CSMD1: variants seen among roughly 807,000 people sequenced by gnomAD.
CSMD1 encodes the protein CUB and Sushi multiple domains 1.
CSMD1 carries 213 observed loss-of-function variants against 417.5 expected under a neutral mutation model. The observed-to-expected ratio is 0.51, with a 90% CI of 0.46 to 0.57. CSMD1 has a LOEUF of 0.57. Among genes scored for constraint, CSMD1 ranks in the 20% least tolerant of loss-of-function variants. CSMD1 has a pLI of 0.00. For missense variants in CSMD1, 6,923 were observed against 4,529.7 expected, an observed-to-expected ratio of 1.53 and a Z score of -15.17; for synonymous variants, 2,862 against 1,736.8, an observed-to-expected ratio of 1.65 and a Z score of -16.11.
At chr8:3,016,131 A>C (rs1808804678) in intron 52 of CSMD1, among the ~76,000 whole-genome samples, 2 of 152,228 alleles carry the variant, frequency 1.3e-5, no homozygotes, top group South Asian at 2.1e-4. Context: ...CTAATCAGAT[A>C]AATCTCACAA....
intron 3 of CSMD1, among the ~76,000 whole-genome samples, chr8:4,152,948 T>G (rs80093303): frequency 0.031 from 4,792 of 152,256 alleles, 258 homozygotes; most frequent in African/African-American, 0.11. Context: ...CTCAAAATCT[T>G]AGAAATGGTA....
At chr8:3,862,058 C>G (rs971101685) in intron 5 of CSMD1, among the ~76,000 whole-genome samples, 4 of 152,176 alleles carry the variant, frequency 2.6e-5, no homozygotes, top group African/African-American at 9.6e-5. Context: ...TCAAAGTTTT[C>G]TCTCCCATGT....
chr8:2,981,758 G>C (rs1246237631), intron 54 of CSMD1, among the ~76,000 whole-genome samples: 1 of 152,160 alleles, frequency 6.6e-6, no homozygotes, highest in Non-Finnish European at 1.5e-5. Flanking sequence ...ATGTGGAAAG[G>C]TAAAAGAAGA....
chr8:3,682,345 G>T lies in CSMD1; in HGVS notation c.1009+26069C>A, dbSNP rs187541134. Among the ~76,000 whole-genome samples, 709 of 152,052 alleles carry T rather than the reference G, an allele frequency of 4.7e-3. 9 individuals are homozygous for T. The highest frequency in any genetic ancestry group is 0.016 in the African/African-American group (673 of 41,478). On this transcript the variant is annotated intron_variant, in intron 7 of 69. Transcript: ENST00000635120. Reference sequence around the variant, plus strand: ...ACAAAGAACCCAAACAAATTTACAAGAAAAAAACAAGCAACCGCATCAACA... The same window carrying T: ...ACAAAGAACCCAAACAAATTTACAATAAAAAAACAAGCAACCGCATCAACA...
chr8:4,015,214 T>A (rs1292141394), intron 4 of CSMD1, among the ~76,000 whole-genome samples: 1 of 152,190 alleles, frequency 6.6e-6, no homozygotes, highest in Non-Finnish European at 1.5e-5. Flanking sequence ...ACGTGACAGA[T>A]CATTTAAGAT....
At chr8:4,779,647 C>T (rs10081548) in intron 1 of CSMD1, among the ~76,000 whole-genome samples, 16 of 152,206 alleles carry the variant, frequency 1.1e-4, no homozygotes, top group African/African-American at 2.9e-4. Context: ...GGCAAGCTGG[C>T]TTTAGCATTT....
intron 12 of CSMD1, among the ~76,000 whole-genome samples, chr8:3,437,333 A>T (rs1374530854): frequency 6.6e-6 from 1 of 152,150 alleles, no homozygotes; most frequent in East Asian, 1.9e-4. Flanking sequence ...ATTGGCCTCA[A>T]CTCGGGAAAT....
At chr8:4,848,859 A>C (rs1339826352) in intron 1 of CSMD1, among the ~76,000 whole-genome samples, 1 of 152,202 alleles carries the variant, frequency 6.6e-6, no homozygotes, top group East Asian at 1.9e-4. Context: ...CATAATACTT[A>C]ATAATAATAA....
intron 5 of CSMD1, among the ~76,000 whole-genome samples, chr8:3,933,732 A>G (rs1445910309): frequency 6.6e-6 from 1 of 152,210 alleles, no homozygotes. Context: ...CAAAAATCCT[A>G]AAGGAGAAAT....
chr8:3,262,893 A>G (rs1801183428), intron 26 of CSMD1, among the ~76,000 whole-genome samples: 1 of 152,218 alleles, frequency 6.6e-6, no homozygotes, highest in South Asian at 2.1e-4. Context: ...ACAAGAGGGA[A>G]TGTGAACTTC....
chr8:3,693,894 G>A (rs1196702621), intron 7 of CSMD1, among the ~76,000 whole-genome samples: 1 of 151,198 alleles, frequency 6.6e-6, no homozygotes, highest in African/African-American at 2.4e-5. Flanking sequence ...GAATATAGAT[G>A]TGTGTTGGCG....
intron 3 of CSMD1, among the ~76,000 whole-genome samples, chr8:4,221,569 G>A (rs928590870): frequency 1.3e-5 from 2 of 152,108 alleles, no homozygotes; most frequent in Non-Finnish European, 2.9e-5. Flanking sequence ...TCAGATGTGT[G>A]TCAAAACATG....
At chr8:4,962,206 A>C (rs920456741) in intron 1 of CSMD1, among the ~76,000 whole-genome samples, 3 of 142,298 alleles carry the variant, frequency 2.1e-5, no homozygotes, top group Admixed American at 1.4e-4. Context: ...TTAAAAAAAA[A>C]AGAAAAAAAC....
chr8:3,411,232 T>C (rs74867406), intron 12 of CSMD1, among the ~76,000 whole-genome samples: 9,010 of 152,256 alleles, frequency 0.059, 331 homozygotes, highest in East Asian at 0.16. Flanking sequence ...GTGGTTTCTC[T>C]GGACACCAGT....
At chr8:4,554,111 A>G (rs1430062826) in intron 2 of CSMD1, among the ~76,000 whole-genome samples, 1 of 152,134 alleles carries the variant, frequency 6.6e-6, no homozygotes, top group African/African-American at 2.4e-5. Context: ...CATATTTATT[A>G]TATTAGTCAC....
chr8:3,553,518 A>G (rs1187763078), intron 10 of CSMD1, among the ~76,000 whole-genome samples: 1 of 152,228 alleles, frequency 6.6e-6, no homozygotes, highest in Non-Finnish European at 1.5e-5. Flanking sequence ...ACCATACTGT[A>G]GAAGCAGGAT....
At chr8:3,666,367 T>C (rs1371884711) in intron 7 of CSMD1, among the ~76,000 whole-genome samples, 2 of 152,216 alleles carry the variant, frequency 1.3e-5, no homozygotes, top group African/African-American at 4.8e-5. Context: ...AAATGACATA[T>C]TCAGTAGAGT....
intron 3 of CSMD1, among the ~76,000 whole-genome samples, chr8:4,237,318 TTGAACAGTA>T (rs1258404911): frequency 6.6e-6 from 1 of 152,176 alleles, no homozygotes; most frequent in African/African-American, 2.4e-5. Flanking sequence ...TGTTAACTCC[TTGAACAGTA>T]AATAAACTAA....
chr8:4,533,608 G>T (rs888067819), intron 2 of CSMD1, among the ~76,000 whole-genome samples: 6 of 151,838 alleles, frequency 4.0e-5, no homozygotes, highest in Non-Finnish European at 7.4e-5. Flanking sequence ...TGTTAAACAA[G>T]AAAATAACCC....
Sources: allele counts gnomAD v4.1 joint callset (sites outside exome capture counted in the v4.1 genomes callset), GRCh38; gene constraint gnomAD v4.1.1; transcripts MANE v1.5; gene names NCBI Gene and HGNC (gene_info 2026-07-23, HGNC 2026-07-21).